FSHR: variants seen among roughly 807,000 people sequenced by gnomAD.
The protein encoded by FSHR is follicle stimulating hormone receptor.
A neutral mutation model predicts 52.1 loss-of-function variants in FSHR; 46 were observed. The ratio of observed to expected loss-of-function variants is 0.88; its 90% CI spans 0.70 to 1.13. The LOEUF (loss-of-function observed/expected upper bound fraction) is 1.13. Among genes scored for constraint, FSHR ranks in the 50% most tolerant of loss-of-function variants. The probability of loss-of-function intolerance (pLI) is 0.00; values close to 1 mark genes in which losing one functional copy is unlikely to be tolerated. For missense variants in FSHR, 964 were observed against 834.6 expected, an observed-to-expected ratio of 1.16 and a Z score of -1.91; for synonymous variants, 399 against 309.6, an observed-to-expected ratio of 1.29 and a Z score of -3.03.
At chr2:49,108,667 A>T (rs1299843689) in intron 1 of FSHR, among the ~76,000 whole-genome samples, 1 of 152,194 alleles carries the variant, frequency 6.6e-6, no homozygotes, top group Non-Finnish European at 1.5e-5. Flanking sequence ...AGAACAAGGC[A>T]TGTTTGTAAA....
intron 1 of FSHR, among the ~76,000 whole-genome samples, chr2:49,100,797 A>G (rs1381781415): frequency 6.6e-6 from 1 of 152,174 alleles, no homozygotes; most frequent in Non-Finnish European, 1.5e-5. Flanking sequence ...CCTGAAGGCA[A>G]TTCCAACTGA....
At chr2:49,075,756 C>T (rs13035743) in intron 1 of FSHR, among the ~76,000 whole-genome samples, 33,608 of 151,992 alleles carry the variant, frequency 0.22, 3,813 homozygotes, top group East Asian at 0.29. Context: ...ACCTCTCAAA[C>T]AGCTGAGACT....
intron 4 of FSHR, among the ~76,000 whole-genome samples, chr2:49,008,949 T>A (rs980563759): frequency 4.6e-5 from 7 of 152,136 alleles, no homozygotes; most frequent in African/African-American, 1.7e-4. Flanking sequence ...ATAAGTAGGT[T>A]GCGAAAATTT....
chr2:49,104,623 T>C (rs1466445386), intron 1 of FSHR, among the ~76,000 whole-genome samples: 1 of 152,154 alleles, frequency 6.6e-6, no homozygotes, highest in Non-Finnish European at 1.5e-5. Context: ...GATATCGTGT[T>C]CCAAAGGGCA....
At chr2:49,061,355 A>T (rs1334214830) in intron 2 of FSHR, among the ~76,000 whole-genome samples, 1 of 151,976 alleles carries the variant, frequency 6.6e-6, no homozygotes, top group Admixed American at 6.6e-5. Flanking sequence ...GAAGGGATGG[A>T]TAAAAGTGAT....
At chr2:49,140,737 C>T (rs1300907835) in intron 1 of FSHR, among the ~76,000 whole-genome samples, 1 of 151,932 alleles carries the variant, frequency 6.6e-6, no homozygotes, top group African/African-American at 2.4e-5. Flanking sequence ...GGTACAGTTC[C>T]CCACATCTAG....
intron 1 of FSHR, among the ~76,000 whole-genome samples, chr2:49,105,019 A>G (rs1272271572): frequency 6.6e-6 from 1 of 152,192 alleles, no homozygotes; most frequent in Non-Finnish European, 1.5e-5. Context: ...TTGAGTTGAG[A>G]AATCCGTAGA....
chr2:49,081,093 G>A (rs953820427), intron 1 of FSHR, among the ~76,000 whole-genome samples: 11 of 151,962 alleles, frequency 7.2e-5, no homozygotes, highest in African/African-American at 2.7e-4. Flanking sequence ...GTTTCTTTGT[G>A]TTCCTCCTCC....
chr2:49,016,714 A>G (rs1452689265), intron 4 of FSHR, among the ~76,000 whole-genome samples: 1 of 152,204 alleles, frequency 6.6e-6, no homozygotes. Flanking sequence ...TTAAGCCTCT[A>G]TCTTTGTGTA....
rs879062919 is a variant in FSHR, at chr2:48,983,258, C to T, written c.525-92G>A. 37 of 1,189,018 alleles carry T rather than the reference C, an allele frequency of 3.1e-5. No individual in the cohort carries two copies. The South Asian group carries it at 4.1e-4, about 13-fold the overall frequency. 73.7% of individuals were successfully genotyped at this position (1,189,018 alleles called of 1,614,324 possible). Reference sequence around the variant, plus strand: ...GGAAGCACTGAGCAAGGGCAGACAGCACAGGTTAGTGGCATAAAGAAAATG... The same window carrying T: ...GGAAGCACTGAGCAAGGGCAGACAGTACAGGTTAGTGGCATAAAGAAAATG... On this transcript the variant is annotated intron_variant, in intron 6 of 9. Transcript: ENST00000406846.
Position 48,985,697 on chromosome 2 carries a change from G to GTTTTTTTTTTTTTTTTTTTTTTTT in FSHR, c.525-2555_525-2532dup, listed in dbSNP as rs70946839. On this transcript the variant is annotated intron_variant, in intron 6 of 9. Transcript: ENST00000406846. ...TTCAGTTTCAGGGGAGCAAGTACAG[G>GTTTTTTTTTTTTTTTTTTTTTTTT]TTTTTTTTTTTTTTTTTTTTTTTTT... Among the ~76,000 whole-genome samples the GTTTTTTTTTTTTTTTTTTTTTTTT allele has an allele frequency of 1.4e-4, 14 of 99,576 alleles. 7 individuals carry two copies. Among genetic ancestry groups the GTTTTTTTTTTTTTTTTTTTTTTTT allele is most frequent in the African/African-American group, 3.3e-4 (8 of 23,910 alleles). 65.3% of individuals were successfully genotyped at this position (99,576 alleles called of 152,430 possible). A position where few individuals can be genotyped will look rare whatever the true frequency, so the allele number is the denominator to read the frequency against.
At chr2:49,146,059 T>C (rs1439805383) in intron 1 of FSHR, among the ~76,000 whole-genome samples, 2 of 152,030 alleles carry the variant, frequency 1.3e-5, no homozygotes, top group African/African-American at 2.4e-5. Flanking sequence ...AATGCCAAAC[T>C]TGTGACTGGA....
chr2:49,003,141 TG>T (rs1241137245), intron 4 of FSHR, among the ~76,000 whole-genome samples: 5 of 152,198 alleles, frequency 3.3e-5, no homozygotes, highest in Admixed American at 2.0e-4. Context: ...TTGCGATGTC[TG>T]TTGAAGATGA....
At chr2:49,017,837 A>G (rs1020232139) in intron 3 of FSHR, among the ~76,000 whole-genome samples, 1 of 152,102 alleles carries the variant, frequency 6.6e-6, no homozygotes, top group African/African-American at 2.4e-5. Flanking sequence ...CAAACAGAGC[A>G]TTGGCTGGGT....
At chr2:49,044,190 A>T (rs536861824) in intron 2 of FSHR, among the ~76,000 whole-genome samples, 1 of 152,340 alleles carries the variant, frequency 6.6e-6, no homozygotes, top group African/African-American at 2.4e-5. Flanking sequence ...AGGAGCTACT[A>T]GTAAGAATGA....
intron 2 of FSHR, among the ~76,000 whole-genome samples, chr2:49,056,782 A>T (rs905753007): frequency 6.6e-6 from 1 of 152,112 alleles, no homozygotes; most frequent in Admixed American, 6.6e-5. Context: ...AAGTCTCAAA[A>T]AAATTTTAAA....
intron 4 of FSHR, among the ~76,000 whole-genome samples, chr2:48,995,875 A>G (rs1676004386): frequency 1.3e-5 from 2 of 152,122 alleles, no homozygotes; most frequent in Non-Finnish European, 2.9e-5. Flanking sequence ...TCCACACCAA[A>G]TCTACCATGG....
Position 49,154,310 on chromosome 2 carries a change from C to T in FSHR, c.108G>A (p.Lys36=), listed in dbSNP as rs1281533376. 3 of 1,613,778 alleles carry T rather than the reference C, an allele frequency of 1.9e-6. No individual in the cohort carries two copies. The highest frequency in any genetic ancestry group is 1.7e-5 in the Admixed American group (1 of 59,958). The change falls in exon 1 of 10, where the codon AAG becomes AAA. Residue 36 remains lysine, a synonymous_variant. Transcript: ENST00000406846. ...GGAGGTCAGAAGGAATCTCTGTCAC[C>T]TTGCTCTCTTGGCAGAGAAAAACCC... ...SNRVFLCQES[K]VTEIPSDLPR...
intron 1 of FSHR, among the ~76,000 whole-genome samples, chr2:49,074,051 G>C (rs1669855965): frequency 6.6e-6 from 1 of 151,974 alleles, no homozygotes; most frequent in Non-Finnish European, 1.5e-5. Context: ...AAATGACTCA[G>C]AGACCTAAAT....
Sources: allele counts gnomAD v4.1 joint callset (sites outside exome capture counted in the v4.1 genomes callset), GRCh38; gene constraint gnomAD v4.1.1; transcripts MANE v1.5; gene names NCBI Gene and HGNC (gene_info 2026-07-23, HGNC 2026-07-21).